NELL1: variants seen among roughly 807,000 people sequenced by gnomAD.
NELL1 encodes protein kinase C-binding protein NELL1.
Under a neutral mutation model 107.4 loss-of-function variants are expected in NELL1, and 76 were observed. That is an observed-to-expected ratio of 0.71 (90% CI 0.59 to 0.86). The LOEUF (loss-of-function observed/expected upper bound fraction) is 0.86. NELL1 is among the 40% of genes least tolerant of loss of function. The pLI is 0.00. For synonymous variants in NELL1, 353 were observed against 341.2 expected, an observed-to-expected ratio of 1.03 and a Z score of -0.38; for missense variants, 1,024 against 1,005.5, an observed-to-expected ratio of 1.02 and a Z score of -0.25.
intron 2 of NELL1, among the ~76,000 whole-genome samples, chr11:20,686,683 T>C (rs1188596010): frequency 6.6e-6 from 1 of 152,190 alleles, no homozygotes; most frequent in Admixed American, 6.6e-5. Flanking sequence ...ATGAGTAGGT[T>C]ACAGTCTGTT....
intron 4 of NELL1, among the ~76,000 whole-genome samples, chr11:20,881,501 A>G (rs1237673847): frequency 2.0e-5 from 3 of 152,166 alleles, no homozygotes; most frequent in Middle Eastern, 3.2e-3. Flanking sequence ...GACCTTGCTA[A>G]GCCAAGAACA....
chr11:20,837,937 C>T (rs1848562498), intron 3 of NELL1, among the ~76,000 whole-genome samples: 2 of 152,056 alleles, frequency 1.3e-5, no homozygotes, highest in Non-Finnish European at 2.9e-5. Flanking sequence ...TGGAATATAA[C>T]TCCCCACTCC....
At chr11:21,083,699 G>A (rs1003669454) in intron 12 of NELL1, among the ~76,000 whole-genome samples, 1 of 152,126 alleles carries the variant, frequency 6.6e-6, no homozygotes, top group Non-Finnish European at 1.5e-5. Context: ...GTCCCTGTCA[G>A]CTTATACCTG....
intron 12 of NELL1, among the ~76,000 whole-genome samples, chr11:21,036,886 T>C (rs541313924): frequency 6.6e-6 from 1 of 152,226 alleles, no homozygotes; most frequent in South Asian, 2.1e-4. Flanking sequence ...AACATTTATT[T>C]TTATGACACG....
At chr11:20,815,618 T>C (rs1181402441) in intron 3 of NELL1, among the ~76,000 whole-genome samples, 2 of 152,208 alleles carry the variant, frequency 1.3e-5, no homozygotes, top group African/African-American at 4.8e-5. Context: ...TTTTACGCTG[T>C]TAATAGTTTA....
intron 13 of NELL1, among the ~76,000 whole-genome samples, chr11:21,139,676 T>C (rs1401197767): frequency 1.3e-5 from 2 of 152,238 alleles, no homozygotes; most frequent in East Asian, 3.9e-4. Flanking sequence ...TAAACATTTG[T>C]TCACATTGTA....
At chr11:20,890,672 G>C (rs939894872) in intron 5 of NELL1, among the ~76,000 whole-genome samples, 4 of 151,930 alleles carry the variant, frequency 2.6e-5, no homozygotes, top group Admixed American at 1.3e-4. Flanking sequence ...TATGAACAAC[G>C]TGATGGAACT....
intron 2 of NELL1, among the ~76,000 whole-genome samples, chr11:20,751,657 A>C (rs917027001): frequency 7.9e-5 from 12 of 151,816 alleles, no homozygotes; most frequent in African/African-American, 1.9e-4. Flanking sequence ...AAAAAAAAAA[A>C]AAAAAAACTC....
chr11:21,084,426 A>G (rs146699405), intron 12 of NELL1, among the ~76,000 whole-genome samples: 1 of 152,200 alleles, frequency 6.6e-6, no homozygotes, highest in Middle Eastern at 3.2e-3. Context: ...GATAATGAAT[A>G]CTTTCTAAAC....
At chr11:21,422,095 ATGTGTGTGTGTGTG>A (rs58034116) in intron 15 of NELL1, among the ~76,000 whole-genome samples, 2 of 118,456 alleles carry the variant, frequency 1.7e-5, no homozygotes, top group Admixed American at 7.6e-5. Flanking sequence ...ATTTACACAT[ATGTGTGTGTGTGTG>A]TGTGTGTGTG....
intron 12 of NELL1, among the ~76,000 whole-genome samples, chr11:20,960,800 G>A (rs1259205388): frequency 1.3e-5 from 2 of 152,138 alleles, no homozygotes; most frequent in African/African-American, 2.4e-5. Flanking sequence ...AGGCAACAGG[G>A]ACATATCAAA....
intron 15 of NELL1, among the ~76,000 whole-genome samples, chr11:21,498,056 C>T (rs1268586970): frequency 1.3e-5 from 2 of 151,726 alleles, no homozygotes; most frequent in African/African-American, 4.8e-5. Context: ...ATAATACAGC[C>T]AGGCAGAAAA....
rs1945416 is a variant in NELL1, at chr11:21,354,022, C to G, written c.1550-16831C>G. 5.0e-3 allele frequency among the ~76,000 whole-genome samples: 760 copies of G among 152,310 alleles called. 9 individuals are homozygous for G. Among genetic ancestry groups the G allele is most frequent in the African/African-American group, 0.018 (729 of 41,564 alleles). ...AAGCAGCTGAAACTTAACGCTGGAC[C>G]TGTGGTTACATTATTCCTCACAACA... On this transcript the variant is annotated intron_variant, in intron 14 of 19. Coordinates refer to ENST00000357134, the MANE Select transcript of NELL1 (RefSeq NM_006157.5).
chr11:21,337,235 T>C (rs765121782), intron 14 of NELL1, among the ~76,000 whole-genome samples: 4 of 152,020 alleles, frequency 2.6e-5, no homozygotes, highest in Non-Finnish European at 5.9e-5. Flanking sequence ...ATAAACTGGG[T>C]TCTTTTTGTT....
chr11:21,329,176 T>C (rs1850215586), intron 14 of NELL1, among the ~76,000 whole-genome samples: 1 of 152,134 alleles, frequency 6.6e-6, no homozygotes. Context: ...AATCTCCACA[T>C]GTTGTAAGAG....
intron 2 of NELL1, among the ~76,000 whole-genome samples, chr11:20,722,777 G>A (rs1345851029): frequency 1.3e-5 from 2 of 152,152 alleles, no homozygotes; most frequent in African/African-American, 2.4e-5. Context: ...ATAGTTGCCT[G>A]GCAAGTTGAT....
intron 14 of NELL1, among the ~76,000 whole-genome samples, chr11:21,303,842 G>C (rs1849550036): frequency 6.6e-6 from 1 of 151,994 alleles, no homozygotes; most frequent in Admixed American, 6.6e-5. Flanking sequence ...CCAGGATCAA[G>C]GTGCTGGAGA....
chr11:21,170,626 A>C (rs977040578), intron 13 of NELL1, among the ~76,000 whole-genome samples: 1 of 150,748 alleles, frequency 6.6e-6, no homozygotes, highest in African/African-American at 2.5e-5. Flanking sequence ...CTATCCATCC[A>C]TGTAAACATA....
Position 21,439,285 on chromosome 11 carries a change from C to A in NELL1, c.1645+68337C>A, listed in dbSNP as rs375138171. Among the ~76,000 whole-genome samples, 11 of 152,218 alleles carry A rather than the reference C, an allele frequency of 7.2e-5. No homozygotes were observed. The East Asian group carries it at 2.1e-3, about 29-fold the overall frequency. ...TCAGTTATACAGATAGAATCCAAAT[C>A]TTGGATGTTATAAAGCACAGAGAAG... On this transcript the variant is annotated intron_variant, in intron 15 of 19. Transcript: ENST00000357134.
Sources: gnomAD v4.1 joint callset for allele counts (sites outside exome capture counted in the v4.1 genomes callset) on GRCh38, gnomAD v4.1.1 for gene constraint, MANE v1.5 for transcripts, NCBI Gene and HGNC (gene_info 2026-07-23, HGNC 2026-07-21) for gene names.